ATP2B1: variants seen among roughly 807,000 people sequenced by gnomAD.
ATP2B1 encodes the protein plasma membrane calcium-transporting ATPase 1.
A neutral mutation model predicts 124.2 loss-of-function variants in ATP2B1; 14 were observed. That is an observed-to-expected ratio of 0.11 (90% CI 0.07 to 0.18). ATP2B1 has a LOEUF of 0.18. Ranked by LOEUF, ATP2B1 falls within the 10% of genes least tolerant of loss-of-function variation. The probability of loss-of-function intolerance (pLI) is 1.00; values close to 1 mark genes in which losing one functional copy is unlikely to be tolerated. For synonymous variants in ATP2B1, 449 were observed against 492.4 expected (o/e 0.91, Z 1.17); for missense variants, 763 against 1,466.1 (o/e 0.52, Z 7.83).
intron 1 of ATP2B1, among the ~76,000 whole-genome samples, chr12:89,697,116 T>A (rs528828427): frequency 6.8e-6 from 1 of 146,966 alleles, no homozygotes; most frequent in Non-Finnish European, 1.5e-5. Context: ...AGTTCCTTAA[T>A]AGGAAGACAG....
At chr12:89,669,876 A>G (rs1433921616) in intron 1 of ATP2B1, among the ~76,000 whole-genome samples, 1 of 152,212 alleles carries the variant, frequency 6.6e-6, no homozygotes, top group African/African-American at 2.4e-5. Context: ...ATGTCCTTAT[A>G]TATGACATCA....
chr12:89,597,851 TCAA>T (rs776938986), intron 20 of ATP2B1, among the ~76,000 whole-genome samples: 1 of 151,920 alleles, frequency 6.6e-6, no homozygotes. Flanking sequence ...ATTTATTGGT[TCAA>T]CGATTAATCA....
intron 6 of ATP2B1, among the ~76,000 whole-genome samples, chr12:89,628,966 G>GA (rs1433117288): frequency 6.6e-6 from 1 of 151,246 alleles, no homozygotes; most frequent in Non-Finnish European, 1.5e-5. Context: ...GCCCACAGAA[G>GA]AAAAAATGTT....
intron 5 of ATP2B1, among the ~76,000 whole-genome samples, chr12:89,632,466 A>C (rs1296780757): frequency 6.6e-6 from 1 of 152,234 alleles, no homozygotes; most frequent in Admixed American, 6.5e-5. Flanking sequence ...AATTCAAGAT[A>C]GTGAAAAAGT....
intron 1 of ATP2B1, among the ~76,000 whole-genome samples, chr12:89,657,226 A>C (rs972675753): frequency 5.3e-5 from 8 of 152,290 alleles, no homozygotes; most frequent in African/African-American, 1.7e-4. Context: ...TCTACCTTTG[A>C]AAAGTCTCTT....
At chr12:89,642,131 A>C in intron 3 of ATP2B1, 27 bp downstream of exon 3, 1 of 1,575,944 alleles carries the variant, frequency 6.3e-7, no homozygotes. Flanking sequence ...AGCATCAGAC[A>C]TGTCTTTTTT....
rs140722681 is a variant in ATP2B1, at chr12:89,672,511, T to C, written c.-221-16404A>G. ...AAGAAACTGGGCCCTCTGATGTATGTATATTCCTTTCTATTCCTTTCTTAT... is the reference window on the plus strand; with the variant it reads ...AAGAAACTGGGCCCTCTGATGTATGCATATTCCTTTCTATTCCTTTCTTAT... On this transcript the variant is annotated intron_variant, in intron 1 of 20. Transcript: ENST00000428670. Among the ~76,000 whole-genome samples, 26 of 152,264 alleles carry C rather than the reference T, an allele frequency of 1.7e-4. No homozygotes were observed. In the East Asian group the frequency reaches 4.4e-3, roughly 26 times the overall value.
At chr12:89,621,933 C>A (rs536035172) in intron 9 of ATP2B1, 142 bp from the exon 10 acceptor site, 61 of 883,390 alleles carry the variant, frequency 6.9e-5, no homozygotes, top group Non-Finnish European at 8.0e-5. Flanking sequence ...CAATGTAATA[C>A]TGAAATTTTT....
chr12:89,670,952 T>TAAAA (rs35401970), intron 1 of ATP2B1, among the ~76,000 whole-genome samples: 1 of 126,964 alleles, frequency 7.9e-6, no homozygotes, highest in Non-Finnish European at 1.6e-5. Flanking sequence ...CCTTATACAT[T>TAAAA]AAAAAAAAAA....
At chr12:89,658,596 CAGGA>C (rs1225529127) in intron 1 of ATP2B1, among the ~76,000 whole-genome samples, 1 of 52,242 alleles carries the variant, frequency 1.9e-5, no homozygotes, top group Non-Finnish European at 3.7e-5. Context: ...AGAATTCAAA[CAGGA>C]GAGAGAGAGA....
chr12:89,590,942 T>C lies in ATP2B1; in HGVS notation c.*42A>G. 1 of 1,556,908 alleles carries C rather than the reference T, an allele frequency of 6.4e-7. No homozygotes were observed. The highest frequency in any genetic ancestry group is 8.8e-7 in the Non-Finnish European group (1 of 1,141,198). On this transcript the variant is annotated 3_prime_UTR_variant, in exon 21 of 21. Coordinates refer to ENST00000428670, the MANE Select transcript of ATP2B1 (RefSeq NM_001366521.1). The stretch of plus-strand genomic sequence containing the variant: ...TGTGAAAAGACCCAGTTTCAATTTG[T>C]TTCTTTACAATGCAGCTAGTGTGTT...
intron 1 of ATP2B1, among the ~76,000 whole-genome samples, chr12:89,668,002 G>C (rs978195917): frequency 6.6e-6 from 1 of 152,178 alleles, no homozygotes; most frequent in Admixed American, 6.6e-5. Flanking sequence ...AGCCAGGTAC[G>C]TGACTTCAAG....
intron 2 of ATP2B1, among the ~76,000 whole-genome samples, chr12:89,655,345 C>T (rs982338462): frequency 2.0e-5 from 3 of 152,114 alleles, no homozygotes; most frequent in African/African-American, 7.2e-5. Flanking sequence ...GAGTTTATTT[C>T]CACCAAATCC....
At chr12:89,617,915 T>G (rs1031287178) in intron 11 of ATP2B1, among the ~76,000 whole-genome samples, 1 of 152,186 alleles carries the variant, frequency 6.6e-6, no homozygotes, top group African/African-American at 2.4e-5. Flanking sequence ...TTTTTCCTGA[T>G]CATCTCTCTA....
intron 3 of ATP2B1, among the ~76,000 whole-genome samples, chr12:89,638,059 T>TCCTA (rs35384361): frequency 0.93 from 141,220 of 151,840 alleles, 65,956 homozygotes; most frequent in East Asian, 0.99. Context: ...ATAAATCCTT[T>TCCTA]CCTACTGACA....
intron 2 of ATP2B1, among the ~76,000 whole-genome samples, chr12:89,646,189 G>C (rs1307917993): frequency 6.6e-6 from 1 of 152,100 alleles, no homozygotes; most frequent in Non-Finnish European, 1.5e-5. Flanking sequence ...GAATTAGGAG[G>C]AAAGGGGAGG....
At chr12:89,637,632 C>A (rs1322845594) in intron 3 of ATP2B1, among the ~76,000 whole-genome samples, 1 of 152,164 alleles carries the variant, frequency 6.6e-6, no homozygotes, top group Non-Finnish European at 1.5e-5. Context: ...CTCCTGGCCT[C>A]AAGCAATCCT....
intron 15 of ATP2B1, among the ~76,000 whole-genome samples, chr12:89,609,358 T>G (rs1877562639): frequency 6.6e-6 from 1 of 152,176 alleles, no homozygotes; most frequent in Non-Finnish European, 1.5e-5. Context: ...GTTAAAAATT[T>G]CAGTTTCCTG....
intron 12 of ATP2B1, among the ~76,000 whole-genome samples, chr12:89,613,622 C>T (rs1238072504): frequency 6.6e-6 from 1 of 152,124 alleles, no homozygotes; most frequent in Admixed American, 6.6e-5. Context: ...TAAAATCTAT[C>T]TTAAATTTTT....
Sources: allele counts gnomAD v4.1 joint callset (sites outside exome capture counted in the v4.1 genomes callset), GRCh38; gene constraint gnomAD v4.1.1; transcripts MANE v1.5; gene names NCBI Gene and HGNC (gene_info 2026-07-23, HGNC 2026-07-21).